Variants in USP49 observed in about 807,000 individuals in gnomAD.
The protein encoded by USP49 is ubiquitin carboxyl-terminal hydrolase 49.
A neutral mutation model predicts 58.6 loss-of-function variants in USP49; 24 were observed. That is an observed-to-expected ratio of 0.41 (90% CI 0.30 to 0.58). The LOEUF is 0.58. Among genes scored for constraint, USP49 ranks in the 20% least tolerant of loss-of-function variants. The probability of loss-of-function intolerance (pLI) is 0.30; values close to 1 mark genes in which losing one functional copy is unlikely to be tolerated. For missense variants in USP49, 703 were observed against 866.1 expected (o/e 0.81, Z 2.36); for synonymous variants, 408 against 365.1 (o/e 1.12, Z -1.34).
chr6:41,808,317 T>C (rs1225129168), intron 3 of USP49, among the ~76,000 whole-genome samples: 1 of 148,886 alleles, frequency 6.7e-6, no homozygotes, highest in Non-Finnish European at 1.5e-5. Context: ...CCTAAGCATG[T>C]TTTTTTTTCC....
chr6:41,862,877 A>G (rs1774247786), intron 3 of USP49, among the ~76,000 whole-genome samples: 2 of 152,086 alleles, frequency 1.3e-5, no homozygotes, highest in South Asian at 4.1e-4. Flanking sequence ...AGGTTCCAGC[A>G]ATTTTCATGC....
chr6:41,817,939 T>C (rs978277347), intron 3 of USP49, among the ~76,000 whole-genome samples: 15 of 152,156 alleles, frequency 9.9e-5, no homozygotes, highest in African/African-American at 3.4e-4. Flanking sequence ...CTTTTGAATC[T>C]CAGGTTGAAT....
intron 2 of USP49, among the ~76,000 whole-genome samples, chr6:41,876,870 T>C (rs189366686): frequency 6.6e-6 from 1 of 152,334 alleles, no homozygotes; most frequent in East Asian, 1.9e-4. Flanking sequence ...TAAATCTCCC[T>C]TGGCTGCTAA....
At chr6:41,818,831 G>A (rs1561908725) in intron 3 of USP49, among the ~76,000 whole-genome samples, 1 of 152,254 alleles carries the variant, frequency 6.6e-6, no homozygotes, top group East Asian at 1.9e-4. Context: ...TGTTACTGAA[G>A]ATAAGCATTA....
chr6:41,861,965 G>A (rs1436858624), intron 3 of USP49, among the ~76,000 whole-genome samples: 2 of 152,134 alleles, frequency 1.3e-5, no homozygotes, highest in African/African-American at 4.8e-5. Flanking sequence ...GCCTCCCAAA[G>A]TGCTGGGATT....
At chr6:41,856,236 G>C (rs1364116120) in intron 3 of USP49, among the ~76,000 whole-genome samples, 2 of 151,632 alleles carry the variant, frequency 1.3e-5, no homozygotes, top group South Asian at 2.1e-4. Context: ...TTAGCCAGGC[G>C]TGGTGGCGGG....
chr6:41,799,198 C>G (rs562167257), intron 6 of USP49, among the ~76,000 whole-genome samples: 4 of 151,508 alleles, frequency 2.6e-5, no homozygotes, highest in African/African-American at 9.7e-5. Flanking sequence ...TCAACCTTCC[C>G]GAGCTCAGGT....
In USP49 at chr6:41,806,108, C is replaced by T; in HGVS notation, c.876G>A (p.Leu292=). Reference sequence around the variant, plus strand: ...TCTTCCCGTTGGTGGCTTTGGGAAACAGATGTTCCGTTTTGGAAGGGTCAA... The same window carrying T: ...TCTTCCCGTTGGTGGCTTTGGGAAATAGATGTTCCGTTTTGGAAGGGTCAA... ...LNLDPSKTEH[L]FPKATNGKTQ... Residue 292 remains leucine (L), a synonymous_variant, in exon 4 of 8, where the codon CTG becomes CTA. Coordinates refer to ENST00000682992, the MANE Select transcript of USP49 (RefSeq NM_001286554.2). The surrounding 1 kb of genome is among the most constrained non-coding windows in gnomAD (Gnocchi z 5.9). 6.2e-7 allele frequency: 1 copy of T among 1,614,018 alleles called. No homozygotes were observed. The highest frequency in any genetic ancestry group is 8.5e-7 in the Non-Finnish European group (1 of 1,180,042).
chr6:41,894,792 C>T (rs1363837012), intron 1 of USP49, among the ~76,000 whole-genome samples: 7 of 152,098 alleles, frequency 4.6e-5, no homozygotes, highest in African/African-American at 1.7e-4. Flanking sequence ...TTAACGCCCA[C>T]CCTGGCTTTT....
intron 3 of USP49, among the ~76,000 whole-genome samples, chr6:41,871,001 C>G (rs968372187): frequency 6.6e-6 from 1 of 151,686 alleles, no homozygotes; most frequent in African/African-American, 2.4e-5. Flanking sequence ...CAGTGAGCCA[C>G]GATCACACCA....
rs1051435777 is a variant in USP49 at position 41,793,315 on chromosome 6, C to T, written c.*3218G>A. 1.3e-5 allele frequency: 2 copies of T among 153,158 alleles called. No homozygotes were observed. The highest frequency in any genetic ancestry group is 1.9e-4 in the East Asian group (1 of 5,236). The allele number at this position is 153,158 out of a possible 1,614,324, so 9.5% of individuals were successfully genotyped here. On this transcript the variant is annotated 3_prime_UTR_variant, in exon 8 of 8. Coordinates refer to ENST00000682992, the MANE Select transcript of USP49 (RefSeq NM_001286554.2). ...CTCGCTCTGTCGCCAGGCTGGAGTG[C>T]AGTGGCACGATCTCGGCTCACTGCC...
intron 2 of USP49, among the ~76,000 whole-genome samples, chr6:41,882,928 A>G (rs1774638019): frequency 6.6e-6 from 1 of 151,978 alleles, no homozygotes; most frequent in Admixed American, 6.6e-5. Flanking sequence ...AACAAAAAAC[A>G]AAAAACAAAA....
intron 3 of USP49, among the ~76,000 whole-genome samples, chr6:41,855,640 C>A (rs983332361): frequency 2.0e-5 from 3 of 152,212 alleles, no homozygotes; most frequent in African/African-American, 7.2e-5. Flanking sequence ...CTTACTGCCA[C>A]ACAATCTGAT....
intron 3 of USP49, among the ~76,000 whole-genome samples, chr6:41,811,493 C>T (rs1218605937): frequency 6.6e-6 from 1 of 152,132 alleles, no homozygotes; most frequent in Non-Finnish European, 1.5e-5. Flanking sequence ...GGGTTCGATA[C>T]TATCTGTGGT....
intron 2 of USP49, among the ~76,000 whole-genome samples, chr6:41,875,241 TTA>T (rs1236156767): frequency 6.6e-6 from 1 of 151,978 alleles, no homozygotes. Context: ...AATGTATATT[TTA>T]TATGTTTTAA....
intron 2 of USP49, among the ~76,000 whole-genome samples, chr6:41,880,454 T>A (rs886194854): frequency 2.0e-5 from 3 of 152,206 alleles, no homozygotes; most frequent in African/African-American, 7.2e-5. Context: ...GCGTCCAGCA[T>A]AACAGACAAA....
At chr6:41,842,485 A>G (rs964587666) in intron 3 of USP49, among the ~76,000 whole-genome samples, 17 of 152,232 alleles carry the variant, frequency 1.1e-4, no homozygotes, top group African/African-American at 2.9e-4. Flanking sequence ...ATGGATTTCT[A>G]TGTACCCAAA....
Position 41,799,718 on chromosome 6 carries a change from A to G in USP49, c.1670+112T>C, listed in dbSNP as rs577546634. 5.8e-5 allele frequency: 53 copies of G among 912,644 alleles called. No homozygotes were observed. The African/African-American group carries it at 7.6e-4, about 13-fold the overall frequency. The allele number at this position is 912,644 out of a possible 1,614,324, so 56.5% of individuals were successfully genotyped here. ...TCTCCATGGAAAACACGAGGTCTCA[A>G]GTGAACAGGCTTCCCCTCCCAACAC... is the stretch of plus-strand genomic sequence containing the variant. On this transcript the variant is annotated intron_variant, in intron 6 of 7. Coordinates refer to ENST00000682992, the MANE Select transcript of USP49 (RefSeq NM_001286554.2).
chr6:41,863,847 C>A (rs772594529), intron 3 of USP49, among the ~76,000 whole-genome samples: 1 of 152,154 alleles, frequency 6.6e-6, no homozygotes, highest in Admixed American at 6.6e-5. Flanking sequence ...GCCTTGACCT[C>A]CTCGGGCTCA....
Sources: allele counts gnomAD v4.1 joint callset (sites outside exome capture counted in the v4.1 genomes callset), GRCh38; gene constraint gnomAD v4.1.1; non-coding constraint Gnocchi (gnomAD v3.1); transcripts MANE v1.5; gene names NCBI Gene and HGNC (gene_info 2026-07-23, HGNC 2026-07-21).